GRID1: variants seen among roughly 807,000 people sequenced by gnomAD.
GRID1 encodes glutamate receptor ionotropic, delta-1.
GRID1 carries 28 observed loss-of-function variants against 98.0 expected under a neutral mutation model. The observed-to-expected ratio is 0.29, with a 90% CI of 0.21 to 0.39. The LOEUF (loss-of-function observed/expected upper bound fraction) is 0.39, where lower values mean the gene tolerates loss of function less well. Ranked by LOEUF, GRID1 falls within the 10% of genes least tolerant of loss-of-function variation. The pLI is 1.00. For synonymous variants in GRID1, 553 were observed against 538.5 expected, an observed-to-expected ratio of 1.03 and a Z score of -0.37; for missense variants, 1,111 against 1,340.5, an observed-to-expected ratio of 0.83 and a Z score of 2.67.
At chr10:85,633,132 G>A (rs993736458) in intron 13 of GRID1, among the ~76,000 whole-genome samples, 4 of 152,060 alleles carry the variant, frequency 2.6e-5, no homozygotes, top group Non-Finnish European at 5.9e-5. Context: ...GTTTCACCAT[G>A]TTGTCCAGGC....
At chr10:85,987,250 T>C (rs1589325727) in intron 4 of GRID1, among the ~76,000 whole-genome samples, 3 of 151,880 alleles carry the variant, frequency 2.0e-5, no homozygotes, top group Admixed American at 2.0e-4. Context: ...GACCGGCTGG[T>C]CCTCACCTTG....
At chr10:85,706,736 A>G (rs986967805) in intron 12 of GRID1, among the ~76,000 whole-genome samples, 62 of 152,320 alleles carry the variant, frequency 4.1e-4, no homozygotes, top group Admixed American at 3.3e-4. Flanking sequence ...AGTCACCAAA[A>G]CAGCATGGTA....
At position 85,600,401 on chromosome 10, in the gene GRID1, C is replaced by G. The variant is rs1424424810; in HGVS notation, c.*1872G>C. On this transcript the variant is annotated 3_prime_UTR_variant, in exon 16 of 16. Transcript: ENST00000327946. ...CTTTTAGCTGACTGTGTGATTTGGC[C>G]GTTCTTTACTGCTCAATCATGTCAC... 1.3e-5 allele frequency: 2 copies of G among 152,170 alleles called. No individual in the cohort carries two copies. The allele number at this position is 152,170 out of a possible 1,614,324, so 9.4% of individuals were successfully genotyped here.
chr10:85,926,178 C>G (rs1841772038), intron 4 of GRID1, among the ~76,000 whole-genome samples: 1 of 152,036 alleles, frequency 6.6e-6, no homozygotes, highest in Admixed American at 6.5e-5. Flanking sequence ...CACGGGAAAA[C>G]TAGGGGAGGT....
chr10:85,846,042 G>A (rs965492338), intron 8 of GRID1, among the ~76,000 whole-genome samples: 9 of 152,054 alleles, frequency 5.9e-5, no homozygotes, highest in African/African-American at 1.9e-4. Context: ...TTGTCTGTAT[G>A]TACATGTTCA....
intron 4 of GRID1, among the ~76,000 whole-genome samples, chr10:86,076,561 T>C (rs1843884090): frequency 6.6e-6 from 1 of 152,208 alleles, no homozygotes; most frequent in Non-Finnish European, 1.5e-5. Flanking sequence ...AGCTGGCAAG[T>C]CCACAGTCTG....
chr10:85,908,136 T>C (rs1410532112), intron 5 of GRID1, among the ~76,000 whole-genome samples: 1 of 152,156 alleles, frequency 6.6e-6, no homozygotes, highest in Non-Finnish European at 1.5e-5. Context: ...TGATGTCTCC[T>C]GTCACCACTT....
intron 6 of GRID1, among the ~76,000 whole-genome samples, chr10:85,865,061 G>C (rs896568597): frequency 1.3e-5 from 2 of 152,222 alleles, no homozygotes; most frequent in African/African-American, 4.8e-5. Context: ...TCTGAGCAAA[G>C]ATGTCTGTGA....
chr10:85,954,848 A>G (rs568379252), intron 4 of GRID1, among the ~76,000 whole-genome samples: 1 of 152,324 alleles, frequency 6.6e-6, no homozygotes, highest in Admixed American at 6.5e-5. Context: ...AATCCCTCCG[A>G]GCCATAGTTC....
chr10:86,086,157 T>C (rs1161280616), intron 4 of GRID1, among the ~76,000 whole-genome samples: 1 of 151,992 alleles, frequency 6.6e-6, no homozygotes, highest in Non-Finnish European at 1.5e-5. Flanking sequence ...CTCCATCACA[T>C]CCCTTGGCTC....
chr10:85,856,968 GAGA>G (rs1471084802), intron 6 of GRID1, among the ~76,000 whole-genome samples: 1 of 152,188 alleles, frequency 6.6e-6, no homozygotes, highest in Non-Finnish European at 1.5e-5. Flanking sequence ...TGACTGTAGG[GAGA>G]AGGACGCCTT....
At chr10:86,075,789 C>A (rs1843872819) in intron 4 of GRID1, among the ~76,000 whole-genome samples, 1 of 152,208 alleles carries the variant, frequency 6.6e-6, no homozygotes, top group Non-Finnish European at 1.5e-5. Flanking sequence ...AAACAGAAAA[C>A]ACCACATACA....
chr10:85,739,042 T>C (rs955265347), intron 8 of GRID1, among the ~76,000 whole-genome samples: 1 of 152,146 alleles, frequency 6.6e-6, no homozygotes, highest in African/African-American at 2.4e-5. Context: ...GTATGTGCAA[T>C]AAATCCAGCC....
At chr10:86,273,860 G>C (rs184042033) in intron 2 of GRID1, among the ~76,000 whole-genome samples, 3,461 of 152,054 alleles carry the variant, frequency 0.023, 44 homozygotes, top group Middle Eastern at 0.051. Flanking sequence ...CATTCTGTAG[G>C]TTGCCTGTTC....
chr10:85,938,501 G>A (rs1328527236), intron 4 of GRID1, among the ~76,000 whole-genome samples: 2 of 152,092 alleles, frequency 1.3e-5, no homozygotes, highest in African/African-American at 2.4e-5. Context: ...CTTGTCTCCC[G>A]TAACTCTCAC....
intron 2 of GRID1, among the ~76,000 whole-genome samples, chr10:86,259,099 C>T (rs901925244): frequency 2.6e-5 from 4 of 152,222 alleles, no homozygotes; most frequent in Non-Finnish European, 5.9e-5. Context: ...AAAAGGTGGG[C>T]GCTGATGGCT....
chr10:86,202,166 G>T (rs1439629155), intron 3 of GRID1, among the ~76,000 whole-genome samples: 1 of 152,236 alleles, frequency 6.6e-6, no homozygotes, highest in Non-Finnish European at 1.5e-5. Flanking sequence ...AGAAAGGACT[G>T]CCGTGCCCTG....
chr10:85,883,792 G>A (rs374580246), intron 5 of GRID1, among the ~76,000 whole-genome samples: 5 of 152,188 alleles, frequency 3.3e-5, no homozygotes, highest in African/African-American at 1.2e-4. Context: ...GTGGAAACTG[G>A]GATCACAAAC....
At chr10:86,191,084 A>G (rs551600074) in intron 3 of GRID1, among the ~76,000 whole-genome samples, 1 of 152,330 alleles carries the variant, frequency 6.6e-6, no homozygotes, top group East Asian at 1.9e-4. Context: ...GCATCTGCTC[A>G]GGCCTGTTAC....
Sources: gnomAD v4.1 joint callset for allele counts (sites outside exome capture counted in the v4.1 genomes callset) on GRCh38, gnomAD v4.1.1 for gene constraint, MANE v1.5 for transcripts, NCBI Gene and HGNC (gene_info 2026-07-23, HGNC 2026-07-21) for gene names.